The following ZNF571 variants were observed in gnomAD, a reference collection of about 807,000 sequenced individuals.
ZNF571 encodes the protein zinc finger protein 571.
ZNF571 carries 4 observed loss-of-function variants against 7.7 expected under a neutral mutation model. The ratio of observed to expected loss-of-function variants is 0.52; its 90% CI spans 0.25 to 1.18. The LOEUF (loss-of-function observed/expected upper bound fraction) is 1.18. Among genes scored for constraint, ZNF571 ranks in the 50% most tolerant of loss-of-function variants. ZNF571 has a pLI of 0.14. For missense variants in ZNF571, 704 were observed against 726.9 expected, an observed-to-expected ratio of 0.97 and a Z score of 0.36; for synonymous variants, 251 against 232.4, an observed-to-expected ratio of 1.08 and a Z score of -0.73.
intron 2 of ZNF571, chr19:37,585,835 A>G (rs1006743309): frequency 2.0e-5 from 3 of 152,176 alleles, no homozygotes; most frequent in South Asian, 2.1e-4. Flanking sequence ...GTTGGGCCCA[A>G]TGTATTTGTA....
At chr19:37,570,882 CAT>C in intron 3 of ZNF571, among the ~76,000 whole-genome samples, 1 of 151,874 alleles carries the variant, frequency 6.6e-6, no homozygotes, top group East Asian at 1.9e-4. Context: ...TTACCAAAAG[CAT>C]ATGTAGAAGC....
At chr19:37,588,254 G>C (rs974987280) in intron 1 of ZNF571, among the ~76,000 whole-genome samples, 9 of 151,684 alleles carry the variant, frequency 5.9e-5, no homozygotes, top group African/African-American at 2.2e-4. Flanking sequence ...TATGAAAGCA[G>C]ATACATTCAA....
At chr19:37,583,675 G>T in intron 3 of ZNF571, 1 of 216,646 alleles carries the variant, frequency 4.6e-6, no homozygotes, top group Non-Finnish European at 9.2e-6. Flanking sequence ...AGTATATTTG[G>T]CTTAGGGACT....
intron 3 of ZNF571, among the ~76,000 whole-genome samples, chr19:37,582,300 CA>C (rs1399608587): frequency 1.3e-5 from 2 of 152,332 alleles, no homozygotes; most frequent in African/African-American, 4.8e-5. Flanking sequence ...AGCCAATTTT[CA>C]GCGTTCCTCT....
intron 1 of ZNF571, among the ~76,000 whole-genome samples, chr19:37,588,850 C>A (rs1480235781): frequency 6.6e-6 from 1 of 151,896 alleles, no homozygotes; most frequent in Non-Finnish European, 1.5e-5. Flanking sequence ...AATTGGAACC[C>A]CATTTTATAA....
In ZNF571 at chr19:37,564,932, T is replaced by C; in HGVS notation, c.1496A>G (p.Glu499Gly). The C allele has an allele frequency of 6.2e-7, 1 of 1,614,040 alleles. No homozygotes were observed. The highest frequency in any genetic ancestry group is 8.5e-7 in the Non-Finnish European group (1 of 1,179,956). Residue 499 changes from glutamate (E) to glycine (G), a missense_variant, in exon 4 of 4, where the codon GAA (glutamate) becomes GGA (glycine). Glu to Gly is a moderately conservative substitution (Grantham distance 98). Coordinates refer to ENST00000451802, the MANE Select transcript of ZNF571 (RefSeq NM_016536.5). ...ACATTCCTTACATTTGTAGGGCTTT[T>C]CACCTGTATGAATTCTTTGATGATA... ...LTYHQRIHTGEKPYKCKECDK... is the reference protein window; with the variant it reads ...LTYHQRIHTGGKPYKCKECDK...
chr19:37,571,913 G>T (rs1469319284), intron 3 of ZNF571, among the ~76,000 whole-genome samples: 1 of 152,188 alleles, frequency 6.6e-6, no homozygotes, highest in Admixed American at 6.5e-5. Flanking sequence ...GTTAGCAGTT[G>T]ATAGCCTTAC....
rs2147148045 is a variant in ZNF571 at position 37,564,955 on chromosome 19, ATATGT to A, written c.1468_1472del (p.Thr490SerfsTer8). 4 of 1,611,694 alleles carry A rather than the reference ATATGT, an allele frequency of 2.5e-6. No homozygotes were observed. The East Asian group carries it at 8.9e-5, about 36-fold the overall frequency. Reference sequence around the variant, plus strand: ...TTTCACCTGTATGAATTCTTTGATGATATGTAAGTTGTGTAGCACGTACAAAGGTC... The same window carrying A: ...TTTCACCTGTATGAATTCTTTGATGAAAGTTGTGTAGCACGTACAAAGGTC... On this transcript the variant is annotated frameshift_variant, in exon 4 of 4. Coordinates refer to ENST00000451802, the MANE Select transcript of ZNF571 (RefSeq NM_016536.5). LOFTEE classifies it low-confidence loss of function (END_TRUNC).
At chr19:37,577,179 A>G (rs1191257786) in intron 3 of ZNF571, among the ~76,000 whole-genome samples, 2 of 152,202 alleles carry the variant, frequency 1.3e-5, no homozygotes, top group Non-Finnish European at 2.9e-5. Flanking sequence ...GAATAGGGCC[A>G]TGAAGTACGC....
Position 37,565,904 on chromosome 19 carries a change from G to A in ZNF571, c.524C>T (p.Thr175Ile), listed in dbSNP as rs773836238. The A allele has an allele frequency of 1.2e-6, 2 of 1,613,794 alleles. No individual in the cohort carries two copies. The highest frequency in any genetic ancestry group is 1.7e-6 in the Non-Finnish European group (2 of 1,179,866). ...KCSEVKKHRN[T>I]FSKKPSYIQH... Reference sequence around the variant, plus strand: ...AATATAGCTTGGCTTTTTGCTAAAGGTATTCCTGTGTTTCTTAACTTCAGA... The same window carrying A: ...AATATAGCTTGGCTTTTTGCTAAAGATATTCCTGTGTTTCTTAACTTCAGA... Residue 175 changes from threonine (T) to isoleucine (I), a missense_variant, in exon 4 of 4, where the codon ACC becomes ATC. By Grantham distance (89) the Thr-to-Ile change is moderately conservative (BLOSUM62 -1). Transcript: ENST00000451802.
Position 37,584,093 on chromosome 19 carries a change from A to G in ZNF571, c.14T>C (p.Leu5Ser), listed in dbSNP as rs143074498. ...AATGGCCACATCCCTGAAAGTCACC[A>G]ACAACTGAAACAACAAATCCATTAC... MPHL[L>S]VTFRDVAIDF... Residue 5 changes from leucine (L) to serine (S), a missense_variant, in exon 3 of 4, where the codon TTG (leucine) becomes TCG (serine). By Grantham distance (145) the Leu-to-Ser change is moderately radical. Coordinates refer to ENST00000451802, the MANE Select transcript of ZNF571 (RefSeq NM_016536.5). 1.9e-4 allele frequency: 313 copies of G among 1,614,000 alleles called. No homozygotes were observed. Among genetic ancestry groups the G allele is most frequent in the Non-Finnish European group, 2.6e-4 (312 of 1,179,990 alleles).
At chr19:37,584,805 A>G (rs142045985) in intron 2 of ZNF571, among the ~76,000 whole-genome samples, 3,276 of 152,068 alleles carry the variant, frequency 0.022, 121 homozygotes, top group African/African-American at 0.074. Flanking sequence ...TACTAAAAAT[A>G]CAAAAAAAAT....
chr19:37,589,013 A>G (rs1455324161), intron 1 of ZNF571, among the ~76,000 whole-genome samples: 2 of 152,098 alleles, frequency 1.3e-5, no homozygotes, highest in African/African-American at 4.8e-5. Context: ...CAGCCTGGCC[A>G]ATGTGGTAAA....
At chr19:37,591,775 C>G (rs1042581403) in intron 1 of ZNF571, among the ~76,000 whole-genome samples, 18 of 152,018 alleles carry the variant, frequency 1.2e-4, no homozygotes, top group Admixed American at 2.0e-4. Flanking sequence ...AACTCCCGAC[C>G]TCAGGTGATT....
At chr19:37,577,808 A>T (rs371179186) in intron 3 of ZNF571, among the ~76,000 whole-genome samples, 9 of 152,188 alleles carry the variant, frequency 5.9e-5, no homozygotes, top group African/African-American at 2.2e-4. Flanking sequence ...AGTGTGCACC[A>T]CTCTCAGGGA....
At chr19:37,593,235 G>A (rs1386803091) in intron 1 of ZNF571, among the ~76,000 whole-genome samples, 1 of 151,680 alleles carries the variant, frequency 6.6e-6, no homozygotes, top group Non-Finnish European at 1.5e-5. Context: ...AATACTATAG[G>A]AAAAAACGGG....
intron 3 of ZNF571, among the ~76,000 whole-genome samples, chr19:37,568,928 A>G (rs988528034): frequency 6.6e-6 from 1 of 151,654 alleles, no homozygotes; most frequent in Admixed American, 6.6e-5. Context: ...CTTATCACCA[A>G]CACCACTGCT....
intron 3 of ZNF571, among the ~76,000 whole-genome samples, chr19:37,581,961 T>A (rs1221644541): frequency 3.3e-5 from 5 of 152,220 alleles, no homozygotes; most frequent in African/African-American, 9.6e-5. Context: ...CATTTTGCCA[T>A]ATTTCCTTCC....
At chr19:37,591,565 A>G (rs2043868115) in intron 1 of ZNF571, among the ~76,000 whole-genome samples, 1 of 152,186 alleles carries the variant, frequency 6.6e-6, no homozygotes, top group Admixed American at 6.5e-5. Flanking sequence ...TTATCTTGAG[A>G]TGGAGTTTCA....
Sources: gnomAD v4.1 joint callset for allele counts (sites outside exome capture counted in the v4.1 genomes callset) on GRCh38, gnomAD v4.1.1 for gene constraint, MANE v1.5 for transcripts, NCBI Gene and HGNC (gene_info 2026-07-23, HGNC 2026-07-21) for gene names.